The following ARHGAP27 variants were observed in gnomAD, a reference collection of about 807,000 sequenced individuals.
ARHGAP27 encodes rho GTPase-activating protein 27.
Under a neutral mutation model 102.0 loss-of-function variants are expected in ARHGAP27, and 53 were observed. The observed-to-expected ratio is 0.52, with a 90% confidence interval of 0.42 to 0.65. ARHGAP27 has a LOEUF of 0.65. ARHGAP27 is among the 30% of genes least tolerant of loss of function. The pLI is 0.00. For synonymous variants in ARHGAP27, 525 were observed against 542.8 expected (o/e 0.97, Z 0.46); for missense variants, 1,117 against 1,256.2 (o/e 0.89, Z 1.68).
At position 45,430,410 on chromosome 17, in the gene ARHGAP27, T is replaced by C. The variant is rs2049971981; in HGVS notation, c.-18-113A>G. On this transcript the variant is annotated intron_variant, in intron 3 of 19. Transcript: ENST00000685559. The surrounding 1 kb of genome is among the most constrained non-coding windows in gnomAD (Gnocchi z 4.4). ...CCCGATCCTGCACTCGCCGTTCGCC[T>C]TCGGGCCTCAGTTTTCCCATCTCTA... The C allele has an allele frequency of 1.4e-6, 2 of 1,427,466 alleles. No homozygotes were observed. The highest frequency in any genetic ancestry group is 3.0e-5 in the African/African-American group (2 of 67,498). 88.4% of individuals were successfully genotyped at this position (1,427,466 alleles called of 1,614,324 possible).
At chr17:45,404,772 G>A (rs2046924440) in intron 6 of ARHGAP27, 91 bp from the exon 7 acceptor site, 3 of 1,502,082 alleles carry the variant, frequency 2.0e-6, no homozygotes. Context: ...ACAGCACCAG[G>A]GAGTCTGGAG....
At chr17:45,419,718 A>G (rs2048851654) in intron 4 of ARHGAP27, among the ~76,000 whole-genome samples, 1 of 151,934 alleles carries the variant, frequency 6.6e-6, no homozygotes, top group South Asian at 2.1e-4. Context: ...CTCATGTAAT[A>G]ATAGACAAAG....
At chr17:45,412,322 C>CA (rs2144730916) in intron 4 of ARHGAP27, among the ~76,000 whole-genome samples, 1 of 152,334 alleles carries the variant, frequency 6.6e-6, no homozygotes, top group African/African-American at 2.4e-5. Context: ...ACCACACCCT[C>CA]ATGCCTCTGA....
intron 4 of ARHGAP27, among the ~76,000 whole-genome samples, chr17:45,410,644 G>C (rs1162100832): frequency 6.6e-6 from 1 of 152,184 alleles, no homozygotes; most frequent in Non-Finnish European, 1.5e-5. Context: ...GAACTGCACA[G>C]AGAGAATCAC....
chr17:45,412,366 GA>G (rs895192467), intron 4 of ARHGAP27, among the ~76,000 whole-genome samples: 1 of 152,180 alleles, frequency 6.6e-6, no homozygotes, highest in Non-Finnish European at 1.5e-5. Flanking sequence ...AGAGGTTCTA[GA>G]ACAAACCAGC....
chr17:45,419,512 G>GTA (rs71136087), intron 4 of ARHGAP27, among the ~76,000 whole-genome samples: 64 of 119,634 alleles, frequency 5.3e-4, no homozygotes, highest in East Asian at 1.1e-3. Context: ...TATGCTGTAT[G>GTA]TATATATATA....
In ARHGAP27 at chr17:45,405,721, C is replaced by T; in HGVS notation, c.1020G>A (p.Leu340=). The change falls in exon 5 of 20, where the codon TTG becomes TTA. Residue 340 remains leucine, a synonymous_variant. Coordinates refer to ENST00000685559, the MANE Select transcript of ARHGAP27 (RefSeq NM_001282290.2). ...DEAENEPEEE[L]EMQPGLSPGS... ...CAGGGCTCAGGCCCGGCTGCATCTC[C>T]AACTCCTCCTCGGGCTCGTTCTCGG... 1 of 1,603,714 alleles carries T rather than the reference C, an allele frequency of 6.2e-7. No individual in the cohort carries two copies. The highest frequency in any genetic ancestry group is 8.5e-7 in the Non-Finnish European group (1 of 1,179,516).
At chr17:45,420,106 C>G (rs1289196082) in intron 4 of ARHGAP27, among the ~76,000 whole-genome samples, 4 of 152,152 alleles carry the variant, frequency 2.6e-5, no homozygotes, top group African/African-American at 9.7e-5. Flanking sequence ...ATTTTTCCTA[C>G]TTCTACCTGT....
At chr17:45,423,383 TA>T (rs1413752709) in intron 4 of ARHGAP27, among the ~76,000 whole-genome samples, 1 of 152,050 alleles carries the variant, frequency 6.6e-6, no homozygotes, top group Non-Finnish European at 1.5e-5. Context: ...TTAAATAAAC[TA>T]ATTACCATTG....
chr17:45,396,565 G>A lies in ARHGAP27; in HGVS notation c.2095C>T (p.Leu699=), dbSNP rs1299789257. Residue 699 remains leucine, a synonymous_variant, in exon 16 of 20, where the codon CTG becomes TTG. Coordinates refer to ENST00000685559, the MANE Select transcript of ARHGAP27 (RefSeq NM_001282290.2). The part of the protein sequence containing the change: ...YIKDQVFGCA[L]AALCERERSR... ...CTCTCGCGCTCACACAGCGCGGCCA[G>A]CGCGCAGCCGAACACCTGGTCTAGG... is the stretch of plus-strand genomic sequence containing the variant. 6.2e-7 allele frequency: 1 copy of A among 1,603,438 alleles called. No individual in the cohort carries two copies. Among genetic ancestry groups the A allele is most frequent in the Non-Finnish European group, 8.5e-7 (1 of 1,177,562 alleles).
rs781404326 is a variant in ARHGAP27 at position 45,405,036 on chromosome 17, C to A, written c.1136G>T (p.Gly379Val). 1.2e-5 allele frequency: 20 copies of A among 1,613,398 alleles called. No homozygotes were observed. Among genetic ancestry groups the A allele is most frequent in the Non-Finnish European group, 1.7e-5 (20 of 1,179,704 alleles). The change falls in exon 6 of 20, where the codon GGC becomes GTC. Residue 379 changes from glycine (G) to valine (V), a missense_variant. Physicochemically the swap from Gly to Val is moderately radical, Grantham distance 109. Coordinates refer to ENST00000685559, the MANE Select transcript of ARHGAP27 (RefSeq NM_001282290.2). ...GGTAGGGCCGGGCTCACCGAAAGAG[C>A]CCACGGGAGAATAGTCCTCCTCGGG... ...SYPEEDYSPV[G>V]SFGEPGPTSP... is the part of the protein sequence containing the mutation.
intron 4 of ARHGAP27, among the ~76,000 whole-genome samples, chr17:45,419,233 A>G (rs1185356702): frequency 6.6e-6 from 1 of 152,164 alleles, no homozygotes; most frequent in African/African-American, 2.4e-5. Context: ...AAACATAAAT[A>G]AACAAGTATA....
intron 4 of ARHGAP27, among the ~76,000 whole-genome samples, chr17:45,422,899 G>A (rs1301940777): frequency 2.6e-5 from 4 of 152,042 alleles, no homozygotes; most frequent in East Asian, 3.9e-4. Flanking sequence ...GCATTTTTCC[G>A]GCCAGGCGTG....
intron 4 of ARHGAP27, chr17:45,409,862 A>C: frequency 4.6e-6 from 1 of 216,270 alleles, no homozygotes; most frequent in Non-Finnish European, 9.2e-6. Context: ...CAGGGGCCTG[A>C]CTACGGGATC....
chr17:45,402,405 G>A lies in ARHGAP27; in HGVS notation c.1743+309C>T, dbSNP rs182295894. On this transcript the variant is annotated intron_variant, in intron 12 of 19. Coordinates refer to ENST00000685559, the MANE Select transcript of ARHGAP27 (RefSeq NM_001282290.2). The stretch of plus-strand genomic sequence containing the variant: ...TATGTGATGTTAGAAACAAAGGACA[G>A]GTCCCCTGGGGCGGGGGTGCAGCGT... Among the ~76,000 whole-genome samples, 246 of 152,310 alleles carry A rather than the reference G, an allele frequency of 1.6e-3. 2 individuals are homozygous for A. The highest frequency in any genetic ancestry group is 5.7e-3 in the African/African-American group (235 of 41,568).
chr17:45,420,876 G>A (rs1455431596), intron 4 of ARHGAP27, among the ~76,000 whole-genome samples: 2 of 149,912 alleles, frequency 1.3e-5, no homozygotes, highest in Admixed American at 6.7e-5. Context: ...GCGTGAACCC[G>A]GGAAGCGGAG....
Position 45,404,568 on chromosome 17 carries a change from C to T in ARHGAP27, c.1329+33G>A, listed in dbSNP as rs114162360. 4.2e-5 allele frequency: 68 copies of T among 1,613,892 alleles called. No individual in the cohort carries two copies. The East Asian group carries it at 1.2e-3, about 29-fold the overall frequency. On this transcript the variant is annotated intron_variant, in intron 7 of 19. Transcript: ENST00000685559. ...ACAGTCGTATATGATCTCTTCCTCT[C>T]TCCCCAACACCCCCCTTTCCCCAGG...
chr17:45,404,394 C>T lies in ARHGAP27; in HGVS notation c.1413+51G>A, dbSNP rs764475145. 9.3e-6 allele frequency: 15 copies of T among 1,613,108 alleles called. No homozygotes were observed. In the African/African-American group the frequency reaches 1.5e-4, roughly 16 times the overall value. On this transcript the variant is annotated intron_variant, in intron 8 of 19. Coordinates refer to ENST00000685559, the MANE Select transcript of ARHGAP27 (RefSeq NM_001282290.2). ...CTCCTCCCAGGAACTCCAGAAGCCC[C>T]CCACTGCTTCTGTGGTGGTCCTGCC...
intron 4 of ARHGAP27, among the ~76,000 whole-genome samples, chr17:45,420,017 C>T (rs1445844072): frequency 6.6e-6 from 1 of 152,112 alleles, no homozygotes; most frequent in Admixed American, 6.6e-5. Flanking sequence ...TTGGTGAGGG[C>T]ACATTGGTAT....
Sources: allele counts gnomAD v4.1 joint callset (sites outside exome capture counted in the v4.1 genomes callset), GRCh38; gene constraint gnomAD v4.1.1; non-coding constraint Gnocchi (gnomAD v3.1); transcripts MANE v1.5; gene names NCBI Gene and HGNC (gene_info 2026-07-23, HGNC 2026-07-21).